PTPRD: variants seen among roughly 807,000 people sequenced by gnomAD.
The protein encoded by PTPRD is receptor-type tyrosine-protein phosphatase delta.
A neutral mutation model predicts 214.5 loss-of-function variants in PTPRD; 34 were observed. The observed-to-expected ratio is 0.16, with a 90% CI of 0.12 to 0.21. The LOEUF is 0.21. PTPRD is among the 10% of genes least tolerant of loss of function. PTPRD has a pLI of 1.00. For missense variants in PTPRD, 2,545 were observed against 2,398.7 expected, an observed-to-expected ratio of 1.06 and a Z score of -1.27; for synonymous variants, 1,128 against 845.7, an observed-to-expected ratio of 1.33 and a Z score of -5.79.
chr9:8,781,755 A>G (rs1285725287), intron 11 of PTPRD, among the ~76,000 whole-genome samples: 1 of 152,176 alleles, frequency 6.6e-6, no homozygotes, highest in South Asian at 2.1e-4. Flanking sequence ...AATGATGCAA[A>G]CTATACTTTC....
At chr9:8,579,119 A>C (rs766934989) in intron 14 of PTPRD, among the ~76,000 whole-genome samples, 2 of 152,230 alleles carry the variant, frequency 1.3e-5, no homozygotes, top group Non-Finnish European at 2.9e-5. Context: ...AACAGGGAGA[A>C]TAAGGATATT....
At position 10,025,260 on chromosome 9, in the gene PTPRD, G is replaced by A. The variant is rs574148212; in HGVS notation, c.-472+8458C>T. 2.6e-5 allele frequency among the ~76,000 whole-genome samples: 4 copies of A among 152,268 alleles called. No homozygotes were observed. The South Asian group carries it at 6.2e-4, about 24-fold the overall frequency. On this transcript the variant is annotated intron_variant, in intron 4 of 45. Transcript: ENST00000381196. Reference sequence around the variant, plus strand: ...ACAGTCCCACCAACAGTGTAAAAGTGTTCCTATTTCTCCACATCCTCTCCA... The same window carrying A: ...ACAGTCCCACCAACAGTGTAAAAGTATTCCTATTTCTCCACATCCTCTCCA...
intron 11 of PTPRD, among the ~76,000 whole-genome samples, chr9:8,781,565 A>T (rs2095699006): frequency 6.6e-6 from 1 of 152,218 alleles, no homozygotes; most frequent in Admixed American, 6.5e-5. Flanking sequence ...AAGCACTAAA[A>T]TAAAGAAAGA....
chr9:9,578,850 G>C (rs1026408494), intron 7 of PTPRD, among the ~76,000 whole-genome samples: 1 of 152,012 alleles, frequency 6.6e-6, no homozygotes, highest in Non-Finnish European at 1.5e-5. Context: ...CAGAATCCCA[G>C]TTAAGTCACA....
chr9:9,297,826 T>C (rs1447423001), intron 9 of PTPRD, among the ~76,000 whole-genome samples: 1 of 151,532 alleles, frequency 6.6e-6, no homozygotes, highest in Non-Finnish European at 1.5e-5. Flanking sequence ...CTTAGGACAT[T>C]GGCAGTGGGG....
At chr9:8,697,155 T>G (rs1388661361) in intron 12 of PTPRD, among the ~76,000 whole-genome samples, 1 of 152,026 alleles carries the variant, frequency 6.6e-6, no homozygotes, top group Non-Finnish European at 1.5e-5. Flanking sequence ...AGGGTCAAAA[T>G]TAAGTAGTTG....
At chr9:10,097,731 T>G (rs1163173963) in intron 3 of PTPRD, among the ~76,000 whole-genome samples, 2 of 151,866 alleles carry the variant, frequency 1.3e-5, no homozygotes, top group Non-Finnish European at 2.9e-5. Context: ...GCCCTTTATT[T>G]CCTTCTCCTG....
chr9:8,756,502 CTG>C (rs1326466611), intron 11 of PTPRD, among the ~76,000 whole-genome samples: 5 of 152,048 alleles, frequency 3.3e-5, no homozygotes, highest in Non-Finnish European at 7.3e-5. Context: ...TCAAAGGAGA[CTG>C]TGGTATCCAT....
intron 10 of PTPRD, among the ~76,000 whole-genome samples, chr9:9,039,490 C>G (rs1364101388): frequency 2.0e-5 from 3 of 152,162 alleles, no homozygotes; most frequent in African/African-American, 7.2e-5. Flanking sequence ...AAATCCAGCC[C>G]ACCATCCTGC....
intron 14 of PTPRD, among the ~76,000 whole-genome samples, chr9:8,596,246 T>C (rs1389969560): frequency 2.6e-5 from 4 of 151,622 alleles, no homozygotes; most frequent in African/African-American, 7.2e-5. Context: ...ACATAAAATA[T>C]ATGGATTTTA....
intron 11 of PTPRD, among the ~76,000 whole-genome samples, chr9:8,852,734 G>C (rs74366457): frequency 0.035 from 5,342 of 152,214 alleles, 229 homozygotes; most frequent in African/African-American, 0.092. Context: ...GGACAGCAGA[G>C]GTTAAAAAGC....
intron 10 of PTPRD, among the ~76,000 whole-genome samples, chr9:9,084,260 G>A (rs1054304406): frequency 6.6e-6 from 1 of 152,162 alleles, no homozygotes; most frequent in Non-Finnish European, 1.5e-5. Flanking sequence ...CAGGGACATG[G>A]ATGAAGCTAG....
At chr9:8,680,735 T>C (rs998566307) in intron 12 of PTPRD, among the ~76,000 whole-genome samples, 2 of 152,216 alleles carry the variant, frequency 1.3e-5, no homozygotes, top group African/African-American at 4.8e-5. Flanking sequence ...TCTATATCTA[T>C]GTCTTTCCAT....
chr9:9,944,806 G>T (rs536932413), intron 4 of PTPRD, among the ~76,000 whole-genome samples: 1 of 152,010 alleles, frequency 6.6e-6, no homozygotes, highest in African/African-American at 2.4e-5. Flanking sequence ...AAAAACTGGA[G>T]ACATTAGCTT....
chr9:9,635,896 T>A (rs573800432), intron 7 of PTPRD, among the ~76,000 whole-genome samples: 5 of 152,242 alleles, frequency 3.3e-5, no homozygotes, highest in Admixed American at 2.6e-4. Flanking sequence ...CCTGGAAAAA[T>A]TATTCTCTCC....
chr9:8,955,378 C>T (rs2099125680), intron 11 of PTPRD, among the ~76,000 whole-genome samples: 1 of 151,786 alleles, frequency 6.6e-6, no homozygotes, highest in Non-Finnish European at 1.5e-5. Flanking sequence ...AGAGGTGTCC[C>T]TTTGTGCTCA....
chr9:10,127,854 G>A (rs1377096170), intron 3 of PTPRD, among the ~76,000 whole-genome samples: 2 of 152,078 alleles, frequency 1.3e-5, no homozygotes, highest in African/African-American at 4.8e-5. Context: ...TTTAAATTCT[G>A]TTACAGGTAG....
In PTPRD at chr9:8,389,216, G is replaced by T. The variant is rs767231982; in HGVS notation, c.4386+16C>A. 1 of 1,593,662 alleles carries T rather than the reference G, an allele frequency of 6.3e-7. No homozygotes were observed. Among genetic ancestry groups the T allele is most frequent in the South Asian group, 1.1e-5 (1 of 87,162 alleles). ...GGAAAATTTTTAAAAGGAAAGAGGT[G>T]GATACTTATTCTTACCCTTGATCTT... is the stretch of plus-strand genomic sequence containing the variant. On this transcript the variant is annotated intron_variant, in intron 37 of 45. Transcript: ENST00000381196.
intron 3 of PTPRD, among the ~76,000 whole-genome samples, chr9:10,284,766 T>C (rs901792541): frequency 2.7e-5 from 4 of 149,932 alleles, no homozygotes; most frequent in African/African-American, 1.0e-4. Flanking sequence ...ACCTTGATTC[T>C]GCAAGGCCAG....
Sources: allele counts gnomAD v4.1 joint callset (sites outside exome capture counted in the v4.1 genomes callset), GRCh38; gene constraint gnomAD v4.1.1; transcripts MANE v1.5; gene names NCBI Gene and HGNC (gene_info 2026-07-23, HGNC 2026-07-21).